KIF16B: variants seen among roughly 807,000 people sequenced by gnomAD.
The protein encoded by KIF16B is kinesin-like protein KIF16B.
KIF16B carries 98 observed loss-of-function variants against 156.3 expected under a neutral mutation model. The ratio of observed to expected loss-of-function variants is 0.63; its 90% confidence interval spans 0.53 to 0.74. The LOEUF is 0.74. KIF16B is among the 30% of genes least tolerant of loss of function. The probability of loss-of-function intolerance (pLI) is 0.00; values close to 1 mark genes in which losing one functional copy is unlikely to be tolerated. For missense variants in KIF16B, 1,421 were observed against 1,606.5 expected (o/e 0.88, Z 1.97); for synonymous variants, 564 against 583.7 (o/e 0.97, Z 0.49).
chr20:16,544,618 A>AAC (rs1350072001), intron 1 of KIF16B, among the ~76,000 whole-genome samples: 1 of 150,956 alleles, frequency 6.6e-6, no homozygotes, highest in Non-Finnish European at 1.5e-5. Context: ...AAAAAAAAAA[A>AAC]AAAAAAAAAA....
At chr20:16,513,377 G>A (rs770916901) in intron 4 of KIF16B, among the ~76,000 whole-genome samples, 7 of 152,096 alleles carry the variant, frequency 4.6e-5, no homozygotes, top group Non-Finnish European at 7.4e-5. Context: ...AATCCATGCT[G>A]GCCGGGTGCG....
chr20:16,398,488 C>A (rs2065569152), intron 17 of KIF16B, among the ~76,000 whole-genome samples: 1 of 152,162 alleles, frequency 6.6e-6, no homozygotes, highest in Admixed American at 6.5e-5. Context: ...GGGACAGGCC[C>A]ACAAGTCTTC....
chr20:16,274,892 T>C (rs1233086273), intron 25 of KIF16B, among the ~76,000 whole-genome samples: 1 of 152,196 alleles, frequency 6.6e-6, no homozygotes, highest in Non-Finnish European at 1.5e-5. Flanking sequence ...AATTTCCTTC[T>C]GAAAGAAGAC....
chr20:16,505,840 C>A lies in KIF16B; in HGVS notation c.882G>T (p.Gln294His). ...NVISALADLSQDAANTLAKKK... is the reference protein window; with the variant it reads ...NVISALADLSHDAANTLAKKK... ...TCTTTGCAAGAGTATTTGCAGCATC[C>A]TGAGATAAATCAGCTATGAAAAGGA... is the stretch of plus-strand genomic sequence containing the variant. Residue 294 changes from glutamine (Q) to histidine (H), a missense_variant, in exon 9 of 26, where the codon CAG (glutamine) becomes CAT (histidine). Coordinates refer to ENST00000354981, the MANE Select transcript of KIF16B (RefSeq NM_024704.5). 6.2e-7 allele frequency: 1 copy of A among 1,613,850 alleles called. No individual in the cohort carries two copies. Among genetic ancestry groups the A allele is most frequent in the Non-Finnish European group, 8.5e-7 (1 of 1,179,938 alleles).
chr20:16,386,311 G>C (rs769818840), intron 17 of KIF16B, among the ~76,000 whole-genome samples: 73 of 152,178 alleles, frequency 4.8e-4, no homozygotes, highest in Non-Finnish European at 9.0e-4. Context: ...AGAGGGAAGA[G>C]GGTATCTAAA....
intron 3 of KIF16B, 126 bp downstream of exon 3, chr20:16,525,966 G>T: frequency 1.8e-6 from 1 of 544,608 alleles, no homozygotes; most frequent in Non-Finnish European, 3.2e-6. Context: ...AGTTAGCAAA[G>T]GCTAATTTTA....
chr20:16,477,281 T>G (rs1413934145), intron 12 of KIF16B, among the ~76,000 whole-genome samples: 1 of 151,154 alleles, frequency 6.6e-6, no homozygotes, highest in Admixed American at 6.6e-5. Flanking sequence ...TGTTCTAACA[T>G]TCTATGTTCT....
At chr20:16,488,030 T>C (rs1431967723) in intron 12 of KIF16B, among the ~76,000 whole-genome samples, 1 of 152,212 alleles carries the variant, frequency 6.6e-6, no homozygotes. Flanking sequence ...CATCTGCATG[T>C]GAGCGCCTGC....
At chr20:16,335,826 AAGAGAGAGACAGAG>A in intron 24 of KIF16B, 86 bp downstream of exon 24, 1 of 704,368 alleles carries the variant, frequency 1.4e-6, no homozygotes, top group Non-Finnish European at 2.4e-6. Flanking sequence ...TAGTATCTGA[AAGAGAGAGACAGAG>A]AGAGAGATAA....
intron 17 of KIF16B, among the ~76,000 whole-genome samples, chr20:16,386,794 C>G (rs988804501): frequency 3.3e-5 from 5 of 152,012 alleles, no homozygotes; most frequent in Admixed American, 2.6e-4. Flanking sequence ...CCTATATGAC[C>G]AAGGGACAAT....
chr20:16,385,767 C>T (rs1460971361), intron 17 of KIF16B, among the ~76,000 whole-genome samples: 1 of 152,146 alleles, frequency 6.6e-6, no homozygotes, highest in African/African-American at 2.4e-5. Context: ...CAGTGGTTGA[C>T]ACTCACCAAA....
At chr20:16,518,478 C>A (rs1035446977) in intron 3 of KIF16B, among the ~76,000 whole-genome samples, 1 of 152,200 alleles carries the variant, frequency 6.6e-6, no homozygotes, top group Admixed American at 6.5e-5. Flanking sequence ...TTGAGGGGAA[C>A]TGCCCACAAG....
intron 17 of KIF16B, among the ~76,000 whole-genome samples, chr20:16,385,178 C>CAA (rs1190757795): frequency 6.8e-6 from 1 of 146,218 alleles, no homozygotes; most frequent in Non-Finnish European, 1.5e-5. Context: ...GACTGGGGGA[C>CAA]AAGAGCGTAA....
chr20:16,277,104 G>A (rs901289209), intron 25 of KIF16B, among the ~76,000 whole-genome samples: 2 of 152,162 alleles, frequency 1.3e-5, no homozygotes, highest in East Asian at 1.9e-4. Flanking sequence ...AACTTCATAT[G>A]AGCGGAATCA....
At chr20:16,542,275 C>T (rs1330096800) in intron 1 of KIF16B, among the ~76,000 whole-genome samples, 1 of 152,154 alleles carries the variant, frequency 6.6e-6, no homozygotes, top group Non-Finnish European at 1.5e-5. Flanking sequence ...AAATCCTTAT[C>T]TGGGATGTTG....
intron 19 of KIF16B, among the ~76,000 whole-genome samples, chr20:16,375,325 A>T (rs1206876345): frequency 6.6e-6 from 1 of 152,236 alleles, no homozygotes; most frequent in East Asian, 1.9e-4. Flanking sequence ...CAATTCCTTC[A>T]GCTCTAAAAA....
chr20:16,508,950 C>G (rs1226181816), intron 6 of KIF16B, among the ~76,000 whole-genome samples: 1 of 152,080 alleles, frequency 6.6e-6, no homozygotes, highest in Non-Finnish European at 1.5e-5. Flanking sequence ...TAAAAGGTCC[C>G]CCGTCCCTAT....
chr20:16,485,982 CTTAT>C (rs1046031152), intron 12 of KIF16B, among the ~76,000 whole-genome samples: 6 of 151,962 alleles, frequency 3.9e-5, no homozygotes, highest in Admixed American at 2.6e-4. Flanking sequence ...TGAAAAAAAT[CTTAT>C]TTATTTTATA....
intron 1 of KIF16B, among the ~76,000 whole-genome samples, chr20:16,554,275 T>C (rs1452490785): frequency 6.6e-6 from 1 of 152,086 alleles, no homozygotes; most frequent in Non-Finnish European, 1.5e-5. Context: ...ATGAGGCCCA[T>C]AAAAGCCCAG....
Sources: gnomAD v4.1 joint callset for allele counts (sites outside exome capture counted in the v4.1 genomes callset) on GRCh38, gnomAD v4.1.1 for gene constraint, MANE v1.5 for transcripts, NCBI Gene and HGNC (gene_info 2026-07-23, HGNC 2026-07-21) for gene names.